LMBRD1: variants seen among roughly 807,000 people sequenced by gnomAD.
LMBRD1 encodes LMBR1 domain containing 1.
Under a neutral mutation model 74.8 loss-of-function variants are expected in LMBRD1, and 64 were observed. The observed-to-expected ratio is 0.86, with a 90% CI of 0.70 to 1.05. The LOEUF (loss-of-function observed/expected upper bound fraction) is 1.05, where lower values mean the gene tolerates loss of function less well. Among genes scored for constraint, LMBRD1 ranks in the 50% least tolerant of loss-of-function variants. The pLI is 0.00. For missense variants in LMBRD1, 652 were observed against 645.9 expected (o/e 1.01, Z -0.10); for synonymous variants, 204 against 216.3 (o/e 0.94, Z 0.50).
At chr6:69,689,100 A>G (rs1282108247) in intron 14 of LMBRD1, among the ~76,000 whole-genome samples, 2 of 152,130 alleles carry the variant, frequency 1.3e-5, no homozygotes, top group South Asian at 4.1e-4. Flanking sequence ...GAATAGGACA[A>G]CTCTCCCTAT....
At chr6:69,748,932 T>C (rs1765055055) in intron 5 of LMBRD1, among the ~76,000 whole-genome samples, 1 of 152,024 alleles carries the variant, frequency 6.6e-6, no homozygotes, top group Non-Finnish European at 1.5e-5. Flanking sequence ...TAAGCAGTCA[T>C]CACTAGAAGA....
chr6:69,689,323 T>C (rs557725730), intron 14 of LMBRD1, among the ~76,000 whole-genome samples: 2 of 152,234 alleles, frequency 1.3e-5, no homozygotes, highest in South Asian at 4.1e-4. Context: ...TTATATACTG[T>C]CAACTCTCCA....
At chr6:69,703,386 G>C (rs1766176155) in intron 9 of LMBRD1, among the ~76,000 whole-genome samples, 1 of 150,638 alleles carries the variant, frequency 6.6e-6, no homozygotes, top group Non-Finnish European at 1.5e-5. Flanking sequence ...ATGCCAATTA[G>C]TAGTAGGAGA....
intron 7 of LMBRD1, among the ~76,000 whole-genome samples, chr6:69,732,026 G>A (rs1463742017): frequency 6.6e-6 from 1 of 152,038 alleles, no homozygotes; most frequent in East Asian, 1.9e-4. Flanking sequence ...TCCTTATAGT[G>A]ACACATAAAG....
intron 9 of LMBRD1, 101 bp from the exon 10 acceptor site, chr6:69,702,054 T>C (rs1766144533): frequency 2.7e-6 from 2 of 739,602 alleles, no homozygotes; most frequent in Admixed American, 2.1e-5. Context: ...ATGACAATGA[T>C]CTAACAAAAA....
At chr6:69,759,572 G>C (rs1224598508) in intron 3 of LMBRD1, among the ~76,000 whole-genome samples, 1 of 151,674 alleles carries the variant, frequency 6.6e-6, no homozygotes, top group Non-Finnish European at 1.5e-5. Flanking sequence ...CCACTTGAAA[G>C]AATAAACCAA....
At chr6:69,704,024 C>T (rs1167061918) in intron 9 of LMBRD1, among the ~76,000 whole-genome samples, 1 of 151,994 alleles carries the variant, frequency 6.6e-6, no homozygotes, top group Non-Finnish European at 1.5e-5. Flanking sequence ...CCAGAAATGA[C>T]ACAGACAGAG....
rs369662902 is a variant in LMBRD1, at chr6:69,713,603, T to C, written c.915+42A>G. 1.3e-4 allele frequency: 207 copies of C among 1,605,952 alleles called. 1 individual carries two copies. The African/African-American group carries it at 2.5e-3, about 20-fold the overall frequency. On this transcript the variant is annotated intron_variant, in intron 9 of 15. Coordinates refer to ENST00000649934, the MANE Select transcript of LMBRD1 (RefSeq NM_018368.4). ...TCTCTCCAAGAGGTACTACATAAAC[T>C]TGGGGAAGAGTGACAGCATAATTTT... is the stretch of plus-strand genomic sequence containing the variant.
chr6:69,741,193 T>G (rs966362022), intron 6 of LMBRD1, among the ~76,000 whole-genome samples: 6 of 152,234 alleles, frequency 3.9e-5, no homozygotes, highest in African/African-American at 1.4e-4. Context: ...ACATAGAAAT[T>G]ATAAGAGCCT....
intron 7 of LMBRD1, among the ~76,000 whole-genome samples, chr6:69,735,304 C>T (rs956856744): frequency 7.9e-5 from 12 of 152,084 alleles, no homozygotes; most frequent in South Asian, 4.1e-4. Flanking sequence ...TCACCTAATA[C>T]GCACATCTTG....
chr6:69,705,404 T>C (rs1766230724), intron 9 of LMBRD1: 6 of 1,125,016 alleles, frequency 5.3e-6, no homozygotes, highest in African/African-American at 1.6e-5. Context: ...AACCACCTTT[T>C]TCTATACTTG....
At chr6:69,795,505 T>C (rs543664034) in intron 1 of LMBRD1, among the ~76,000 whole-genome samples, 2 of 152,376 alleles carry the variant, frequency 1.3e-5, no homozygotes, top group East Asian at 3.9e-4. Context: ...GTACCGTAAA[T>C]GTTTATTAAT....
chr6:69,729,029 T>C (rs970576993), intron 7 of LMBRD1, among the ~76,000 whole-genome samples: 5 of 151,944 alleles, frequency 3.3e-5, no homozygotes, highest in Admixed American at 3.3e-4. Context: ...TTGGTTGGTA[T>C]TGGGAAAAGA....
intron 14 of LMBRD1, among the ~76,000 whole-genome samples, chr6:69,682,664 T>C (rs960035971): frequency 6.6e-6 from 1 of 152,002 alleles, no homozygotes; most frequent in African/African-American, 2.4e-5. Context: ...TGTCCAAGGA[T>C]AGTCAGATAT....
At chr6:69,695,400 C>T (rs551075247) in intron 14 of LMBRD1, among the ~76,000 whole-genome samples, 1 of 152,166 alleles carries the variant, frequency 6.6e-6, no homozygotes, top group South Asian at 2.1e-4. Context: ...GTTCCAGTGT[C>T]CATTCTCTTC....
intron 5 of LMBRD1, among the ~76,000 whole-genome samples, chr6:69,743,321 G>A (rs570324960): frequency 6.6e-6 from 1 of 152,196 alleles, no homozygotes; most frequent in East Asian, 1.9e-4. Context: ...TCTAAAAATA[G>A]CATTCATCTC....
chr6:69,738,936 TCA>T (rs974311480), intron 6 of LMBRD1, among the ~76,000 whole-genome samples: 5 of 152,134 alleles, frequency 3.3e-5, no homozygotes, highest in African/African-American at 1.2e-4. Flanking sequence ...AACTCATGTC[TCA>T]GTTTTGTATA....
At chr6:69,788,830 C>G (rs1766017495) in intron 2 of LMBRD1, among the ~76,000 whole-genome samples, 2 of 152,130 alleles carry the variant, frequency 1.3e-5, no homozygotes, top group South Asian at 4.1e-4. Context: ...GCCATCTTCC[C>G]AAGAAACCTC....
chr6:69,706,851 G>A (rs1179626456), intron 9 of LMBRD1, among the ~76,000 whole-genome samples: 1 of 152,036 alleles, frequency 6.6e-6, no homozygotes, highest in African/African-American at 2.4e-5. Flanking sequence ...TTCTACTGCT[G>A]CCAATGACAC....
Sources: allele counts gnomAD v4.1 joint callset (sites outside exome capture counted in the v4.1 genomes callset), GRCh38; gene constraint gnomAD v4.1.1; transcripts MANE v1.5; gene names NCBI Gene and HGNC (gene_info 2026-07-23, HGNC 2026-07-21).